REDIC1: variants seen among roughly 807,000 people sequenced by gnomAD.
REDIC1 encodes regulator of DNA class I crossover intermediates 1.
the REDIC1 span, among the ~76,000 whole-genome samples, chr12:39,806,594 G>T: frequency 6.6e-6 from 1 of 152,200 alleles, no homozygotes. Flanking sequence ...CATAAAGGAA[G>T]TTCCACTGTG....
At chr12:39,891,844 C>A in the REDIC1 span, among the ~76,000 whole-genome samples, 1 of 152,124 alleles carries the variant, frequency 6.6e-6, no homozygotes, top group Non-Finnish European at 1.5e-5. Context: ...GAACATCTAT[C>A]TTTACTGTGA....
the REDIC1 span, among the ~76,000 whole-genome samples, chr12:39,737,157 C>A: frequency 6.6e-6 from 1 of 152,164 alleles, no homozygotes; most frequent in Admixed American, 6.5e-5. Context: ...CTCAATAACT[C>A]CAGTTGGTGA....
the REDIC1 span, among the ~76,000 whole-genome samples, chr12:39,746,292 C>T: frequency 2.6e-5 from 4 of 152,202 alleles, no homozygotes; most frequent in Admixed American, 6.5e-5. Context: ...GATTATGTCC[C>T]ATGCCTGGCT....
chr12:39,643,227 A>C, the REDIC1 span, among the ~76,000 whole-genome samples: 3 of 151,730 alleles, frequency 2.0e-5, no homozygotes, highest in Admixed American at 2.0e-4. Flanking sequence ...AGAAAATAAA[A>C]ACTGGATAAA....
chr12:39,705,736 A>C, the REDIC1 span, among the ~76,000 whole-genome samples: 1 of 152,134 alleles, frequency 6.6e-6, no homozygotes, highest in Non-Finnish European at 1.5e-5. Context: ...ATTGATGCTG[A>C]AAAAGCATTT....
At chr12:39,656,553 T>G in the REDIC1 span, among the ~76,000 whole-genome samples, 28 of 152,366 alleles carry the variant, frequency 1.8e-4, no homozygotes, top group South Asian at 5.8e-3. Flanking sequence ...TATTGTTATT[T>G]TAGAGTGTGC....
At chr12:39,854,244 A>G in the REDIC1 span, among the ~76,000 whole-genome samples, 1 of 152,014 alleles carries the variant, frequency 6.6e-6, no homozygotes, top group Admixed American at 6.6e-5. Flanking sequence ...AAAATTGGAT[A>G]ATAATAATAA....
At chr12:39,638,786 C>T in the REDIC1 span, among the ~76,000 whole-genome samples, 454 of 151,974 alleles carry the variant, frequency 3.0e-3, 4 homozygotes, top group East Asian at 0.023. Context: ...AGGCTGATGT[C>T]GATATTGGTC....
the REDIC1 span, among the ~76,000 whole-genome samples, chr12:39,703,567 A>T: frequency 6.6e-6 from 1 of 152,148 alleles, no homozygotes; most frequent in African/African-American, 2.4e-5. Context: ...CTTTCTTCAC[A>T]GAATTGGAAA....
At chr12:39,668,750 ATTT>A in the REDIC1 span, among the ~76,000 whole-genome samples, 1 of 150,524 alleles carries the variant, frequency 6.6e-6, no homozygotes, top group African/African-American at 2.4e-5. Context: ...GGCTTTGTTC[ATTT>A]TTTTTTGTTA....
At chr12:39,737,120 A>C in the REDIC1 span, among the ~76,000 whole-genome samples, 3 of 152,214 alleles carry the variant, frequency 2.0e-5, no homozygotes, top group African/African-American at 7.2e-5. Flanking sequence ...ATATGGCTCC[A>C]AATAATGCTT....
the REDIC1 span, among the ~76,000 whole-genome samples, chr12:39,640,662 C>A: frequency 0.023 from 3,548 of 151,794 alleles, 57 homozygotes; most frequent in Middle Eastern, 0.068. Flanking sequence ...TATATTCTTT[C>A]CAATGCATTT....
At chr12:39,770,090 C>A in the REDIC1 span, among the ~76,000 whole-genome samples, 2 of 152,036 alleles carry the variant, frequency 1.3e-5, no homozygotes, top group African/African-American at 2.4e-5. Context: ...GTATTCATTG[C>A]TTTTTAAATT....
chr12:39,873,958 A>G, the REDIC1 span, among the ~76,000 whole-genome samples: 1 of 152,210 alleles, frequency 6.6e-6, no homozygotes, highest in African/African-American at 2.4e-5. Context: ...TACCTAGTGT[A>G]TAAGCTATGT....
At chr12:39,898,431 T>A in the REDIC1 span, among the ~76,000 whole-genome samples, 2 of 152,084 alleles carry the variant, frequency 1.3e-5, no homozygotes, top group Non-Finnish European at 2.9e-5. Flanking sequence ...AAATAACCAG[T>A]GTTTGTGTGT....
At chr12:39,708,193 AGT>A in the REDIC1 span, among the ~76,000 whole-genome samples, 1 of 151,854 alleles carries the variant, frequency 6.6e-6, no homozygotes, top group Non-Finnish European at 1.5e-5. Flanking sequence ...CCAAAGAATC[AGT>A]GCTTTAGGGG....
At chr12:39,749,483 C>G in the REDIC1 span, among the ~76,000 whole-genome samples, 1 of 152,120 alleles carries the variant, frequency 6.6e-6, no homozygotes, top group East Asian at 1.9e-4. Flanking sequence ...TCGAATTCTA[C>G]CAGAGGTACA....
chr12:39,773,205 A>T, the REDIC1 span, among the ~76,000 whole-genome samples: 1 of 152,316 alleles, frequency 6.6e-6, no homozygotes, highest in East Asian at 1.9e-4. Flanking sequence ...GCAAAACCTG[A>T]AAATGACTGC....
the REDIC1 span, among the ~76,000 whole-genome samples, chr12:39,676,966 C>T: frequency 6.7e-6 from 1 of 150,364 alleles, no homozygotes; most frequent in African/African-American, 2.4e-5. Context: ...TTTTGAAATA[C>T]ACCAAAATAG....
Sources: allele counts gnomAD v4.1 joint callset (sites outside exome capture counted in the v4.1 genomes callset), GRCh38; gene constraint gnomAD v4.1.1; transcripts MANE v1.5; gene names NCBI Gene and HGNC (gene_info 2026-07-23, HGNC 2026-07-21).